GSK3B: variants seen among roughly 807,000 people sequenced by gnomAD.
The protein encoded by GSK3B is glycogen synthase kinase-3 beta.
A neutral mutation model predicts 56.4 loss-of-function variants in GSK3B; 15 were observed. The observed-to-expected ratio is 0.27, with a 90% CI of 0.18 to 0.41. GSK3B has a LOEUF of 0.41. GSK3B is among the 10% of genes least tolerant of loss of function. The pLI is 1.00. For missense variants in GSK3B, 300 were observed against 513.4 expected (o/e 0.58, Z 4.02); for synonymous variants, 181 against 188.9 (o/e 0.96, Z 0.34).
chr3:120,088,162 G>T (rs2058481134), intron 1 of GSK3B, among the ~76,000 whole-genome samples: 1 of 152,146 alleles, frequency 6.6e-6, no homozygotes. Context: ...AAAGTGCTGG[G>T]ATTACAGGCG....
At chr3:119,886,838 C>T (rs184081962) in intron 7 of GSK3B, among the ~76,000 whole-genome samples, 50 of 151,962 alleles carry the variant, frequency 3.3e-4, no homozygotes, top group Admixed American at 8.5e-4. Flanking sequence ...GACATAAAGA[C>T]GGCAATAATA....
intron 9 of GSK3B, among the ~76,000 whole-genome samples, chr3:119,862,917 G>C (rs1291181860): frequency 2.0e-5 from 3 of 152,044 alleles, no homozygotes; most frequent in East Asian, 3.8e-4. Context: ...AGTCTCAGAG[G>C]GGATGGAAAT....
chr3:119,834,809 G>A (rs773047531), intron 10 of GSK3B, among the ~76,000 whole-genome samples: 16 of 152,078 alleles, frequency 1.1e-4, no homozygotes, highest in Non-Finnish European at 2.1e-4. Flanking sequence ...TTAGAGGAGG[G>A]GAAAAACCGA....
At chr3:119,948,111 T>A (rs1305454082) in intron 2 of GSK3B, among the ~76,000 whole-genome samples, 1 of 152,068 alleles carries the variant, frequency 6.6e-6, no homozygotes, top group Non-Finnish European at 1.5e-5. Context: ...CTGACAGAAA[T>A]CCACTTAATG....
intron 4 of GSK3B, among the ~76,000 whole-genome samples, chr3:119,919,853 C>T (rs2056821382): frequency 6.6e-6 from 1 of 151,800 alleles, no homozygotes; most frequent in Admixed American, 6.6e-5. Context: ...AGGTGACACA[C>T]ACACACACAC....
intron 1 of GSK3B, among the ~76,000 whole-genome samples, chr3:120,061,270 CAT>C (rs1377659370): frequency 2.0e-5 from 3 of 152,284 alleles, no homozygotes; most frequent in African/African-American, 4.8e-5. Flanking sequence ...TTAGATAATA[CAT>C]GTTTACTGTA....
intron 5 of GSK3B, among the ~76,000 whole-genome samples, chr3:119,914,269 C>T (rs918885479): frequency 4.6e-5 from 7 of 152,058 alleles, no homozygotes; most frequent in Middle Eastern, 3.4e-3. Context: ...AATGTACAGT[C>T]CAAAGTGTTT....
At chr3:120,037,868 T>C (rs1236354760) in intron 1 of GSK3B, among the ~76,000 whole-genome samples, 1 of 152,142 alleles carries the variant, frequency 6.6e-6, no homozygotes, top group Non-Finnish European at 1.5e-5. Flanking sequence ...AAACAGTCCA[T>C]AGGTTAACAC....
chr3:119,999,576 G>A (rs527708823), intron 2 of GSK3B, among the ~76,000 whole-genome samples: 1 of 152,240 alleles, frequency 6.6e-6, no homozygotes, highest in Admixed American at 6.5e-5. Flanking sequence ...TGGGTATTTA[G>A]GAGACAAATA....
intron 5 of GSK3B, among the ~76,000 whole-genome samples, chr3:119,915,129 G>C (rs1051738662): frequency 6.6e-6 from 1 of 151,972 alleles, no homozygotes; most frequent in Non-Finnish European, 1.5e-5. Flanking sequence ...ACTGAAAATG[G>C]AAAGAATAAA....
At chr3:120,043,744 C>T (rs2058081564) in intron 1 of GSK3B, among the ~76,000 whole-genome samples, 1 of 152,090 alleles carries the variant, frequency 6.6e-6, no homozygotes, top group Non-Finnish European at 1.5e-5. Flanking sequence ...ATTAATACTC[C>T]TACCTCCACC....
intron 2 of GSK3B, among the ~76,000 whole-genome samples, chr3:119,999,300 G>T (rs1194963122): frequency 1.3e-5 from 2 of 152,128 alleles, no homozygotes; most frequent in African/African-American, 2.4e-5. Flanking sequence ...GGGTAGAGGG[G>T]CTTGATACAG....
chr3:119,984,994 G>A (rs952780893), intron 2 of GSK3B, among the ~76,000 whole-genome samples: 2 of 152,126 alleles, frequency 1.3e-5, no homozygotes, highest in African/African-American at 2.4e-5. Context: ...TATCCACCAC[G>A]ATCCAGCAGG....
At chr3:119,920,081 T>C (rs2107461998) in intron 4 of GSK3B, among the ~76,000 whole-genome samples, 1 of 152,326 alleles carries the variant, frequency 6.6e-6, no homozygotes, top group African/African-American at 2.4e-5. Context: ...CTGAACTTCT[T>C]TGAACATACC....
At chr3:119,892,288 C>T (rs912139504) in intron 7 of GSK3B, among the ~76,000 whole-genome samples, 7 of 147,046 alleles carry the variant, frequency 4.8e-5, no homozygotes, top group African/African-American at 1.6e-4. Context: ...CCAGTCTTCT[C>T]CTTCCTGGTA....
intron 7 of GSK3B, among the ~76,000 whole-genome samples, chr3:119,882,778 T>C (rs1422681139): frequency 6.6e-6 from 1 of 152,180 alleles, no homozygotes; most frequent in African/African-American, 2.4e-5. Context: ...TAAAGATTAA[T>C]ACACTTTTAC....
In GSK3B at chr3:119,826,510, GGA is replaced by G. The variant is rs2055508555; in HGVS notation, c.*276_*277del. 1 of 556,354 alleles carries G rather than the reference GGA, an allele frequency of 1.8e-6. No homozygotes were observed. Among genetic ancestry groups the G allele is most frequent in the South Asian group, 2.0e-5 (1 of 49,492 alleles). 34.5% of individuals were successfully genotyped at this position (556,354 alleles called of 1,614,324 possible). On this transcript the variant is annotated 3_prime_UTR_variant, in exon 11 of 11. Transcript: ENST00000264235. ...CTTTTAATAAAAAAAGATTGTCGTG[GGA>G]GAGAGATTGTATGTTCTAGTGCTCC...
chr3:119,912,217 C>T (rs1223236271), intron 6 of GSK3B, among the ~76,000 whole-genome samples: 1 of 152,000 alleles, frequency 6.6e-6, no homozygotes, highest in African/African-American at 2.4e-5. Flanking sequence ...TGGGGAATGG[C>T]CAGCTGGTGG....
intron 7 of GSK3B, among the ~76,000 whole-genome samples, chr3:119,902,889 A>G (rs1175138850): frequency 2.0e-5 from 3 of 151,410 alleles, no homozygotes; most frequent in Non-Finnish European, 4.4e-5. Context: ...TAATTTTTCT[A>G]TTTTTTGTAG....
Sources: allele counts gnomAD v4.1 joint callset (sites outside exome capture counted in the v4.1 genomes callset), GRCh38; gene constraint gnomAD v4.1.1; transcripts MANE v1.5; gene names NCBI Gene and HGNC (gene_info 2026-07-23, HGNC 2026-07-21).